SLC25A25: variants seen among roughly 807,000 people sequenced by gnomAD.
SLC25A25 encodes the protein solute carrier family 25 member 25.
Under a neutral mutation model 57.7 loss-of-function variants are expected in SLC25A25, and 32 were observed. The observed-to-expected ratio is 0.55, with a 90% CI of 0.42 to 0.74. The LOEUF is 0.74. Among genes scored for constraint, SLC25A25 ranks in the 30% least tolerant of loss-of-function variants. The pLI is 0.00. For missense variants in SLC25A25, 556 were observed against 701.3 expected (o/e 0.79, Z 2.34); for synonymous variants, 306 against 291.2 (o/e 1.05, Z -0.52).
chr9:128,071,995 G>A (rs1323735254), intron 1 of SLC25A25, among the ~76,000 whole-genome samples: 1 of 152,212 alleles, frequency 6.6e-6, no homozygotes, highest in African/African-American at 2.4e-5. Flanking sequence ...TTACAGGCGC[G>A]AGCAACTGCA....
chr9:128,088,178 C>T (rs569209634), intron 1 of SLC25A25, among the ~76,000 whole-genome samples: 7 of 152,144 alleles, frequency 4.6e-5, no homozygotes, highest in East Asian at 1.9e-4. Context: ...CTTTGTTGGG[C>T]GGAACAAGGA....
At chr9:128,071,496 C>T (rs1832906814) in intron 1 of SLC25A25, among the ~76,000 whole-genome samples, 1 of 152,000 alleles carries the variant, frequency 6.6e-6, no homozygotes, top group Admixed American at 6.6e-5. Flanking sequence ...CAACCTTTGC[C>T]TCCTGGGTTC....
chr9:128,097,350 T>G (rs1017229465), intron 1 of SLC25A25, among the ~76,000 whole-genome samples: 10 of 152,246 alleles, frequency 6.6e-5, no homozygotes, highest in African/African-American at 2.4e-4. Context: ...CCAGTGAAGT[T>G]TCCGCTGTGG....
intron 1 of SLC25A25, among the ~76,000 whole-genome samples, chr9:128,094,101 T>C (rs955011377): frequency 6.6e-6 from 1 of 152,128 alleles, no homozygotes; most frequent in Non-Finnish European, 1.5e-5. Flanking sequence ...TGAGCCAAGA[T>C]TGTGCCGCTG....
intron 1 of SLC25A25, chr9:128,091,804 G>C (rs10739711): frequency 0.99 from 1,510,949 of 1,533,272 alleles, 746,584 homozygotes; most frequent in Non-Finnish European, 1. Context: ...GCCAGAGAGC[G>C]TTGGTACTGT....
At chr9:128,074,431 G>A (rs1234493174) in intron 1 of SLC25A25, among the ~76,000 whole-genome samples, 1 of 152,016 alleles carries the variant, frequency 6.6e-6, no homozygotes, top group Non-Finnish European at 1.5e-5. Flanking sequence ...GAATAGGGCT[G>A]GGTGTGGTGG....
rs1049193325 is a variant in SLC25A25 at position 128,070,964 on chromosome 9, A to AG, written c.261+2384_261+2385insG. ...AAACTCCATCTCAAAAAAAAAAAAA[A>AG]AAAAAAAAAGAAAGAAAGAAAAGAA... On this transcript the variant is annotated intron_variant, in intron 1 of 10. Coordinates refer to ENST00000373069, the MANE Select transcript of SLC25A25 (RefSeq NM_001330988.2). Among the ~76,000 whole-genome samples the AG allele has an allele frequency of 1.9e-4, 27 of 145,712 alleles. 1 individual carries two copies. Among genetic ancestry groups the AG allele is most frequent in the South Asian group, 6.6e-4 (3 of 4,512 alleles).
At position 128,106,436 on chromosome 9, in the gene SLC25A25, G is replaced by A. The variant is rs531778526; in HGVS notation, c.1128G>A (p.Glu376=). The A allele has an allele frequency of 6.2e-7, 1 of 1,613,554 alleles. No individual in the cohort carries two copies. The highest frequency in any genetic ancestry group is 1.1e-5 in the South Asian group (1 of 91,080). The change falls in exon 9 of 11, where the codon GAG becomes GAA. Residue 376 remains glutamate, a synonymous_variant. Transcript: ENST00000373069. ...LDCARRILAR[E]GVAAFYKGYV... ...GCGCCAGGAGGATCCTGGCCAGAGA[G>A]GGGGTGGCCGCCTTCTACAAAGGCT... is the stretch of plus-strand genomic sequence containing the variant.
rs1412631205 is a variant in SLC25A25 at position 128,098,668 on chromosome 9, C to T, written c.262-2428C>T. 4 of 1,614,222 alleles carry T rather than the reference C, an allele frequency of 2.5e-6. 1 individual carries two copies. The Admixed American group carries it at 6.7e-5, about 27-fold the overall frequency. On this transcript the variant is annotated intron_variant, in intron 1 of 10. Coordinates refer to ENST00000373069, the MANE Select transcript of SLC25A25 (RefSeq NM_001330988.2). ...TCCCTGCCGAGCTGAAGTCCATTTT[C>T]AAGCTCAGTGTCTTCATCCCCTCCC...
At chr9:128,092,066 G>A (rs1316207606) in intron 1 of SLC25A25, 1 of 1,613,914 alleles carries the variant, frequency 6.2e-7, no homozygotes, top group Non-Finnish European at 8.5e-7. Context: ...GCTGGTGGTT[G>A]GACCTGCAGA....
intron 1 of SLC25A25, among the ~76,000 whole-genome samples, chr9:128,069,444 T>C (rs1229395992): frequency 1.3e-5 from 2 of 152,208 alleles, no homozygotes; most frequent in East Asian, 3.8e-4. Context: ...TAGCCTGATT[T>C]ACAGCCTGGA....
intron 1 of SLC25A25, among the ~76,000 whole-genome samples, chr9:128,081,986 C>G (rs970408690): frequency 2.0e-5 from 3 of 152,184 alleles, no homozygotes; most frequent in African/African-American, 7.2e-5. Flanking sequence ...TGACTTGTTA[C>G]ATCTTAAAAT....
intron 1 of SLC25A25, among the ~76,000 whole-genome samples, chr9:128,076,669 C>T (rs1833022392): frequency 6.6e-6 from 1 of 151,538 alleles, no homozygotes; most frequent in Non-Finnish European, 1.5e-5. Context: ...AGGTTTTCAC[C>T]ATGTTAGCCA....
At chr9:128,092,121 T>C (rs751905836) in intron 1 of SLC25A25, 3 of 1,600,998 alleles carry the variant, frequency 1.9e-6, no homozygotes, top group African/African-American at 1.3e-5. Flanking sequence ...CCTCCTAGTT[T>C]AGGGCCTGGT....
chr9:128,081,377 A>G (rs538457441), intron 1 of SLC25A25, among the ~76,000 whole-genome samples: 47 of 152,276 alleles, frequency 3.1e-4, no homozygotes, highest in African/African-American at 1.0e-3. Context: ...TGCTTTAGTA[A>G]TAAATTTGTT....
intron 1 of SLC25A25, among the ~76,000 whole-genome samples, chr9:128,083,218 A>G: frequency 7.0e-6 from 1 of 141,862 alleles, no homozygotes; most frequent in East Asian, 2.1e-4. Context: ...ACAGAGTGAG[A>G]CTCCGTCTCA....
Position 128,070,084 on chromosome 9 carries a change from A to ATTTTTT in SLC25A25, c.261+1525_261+1530dup, listed in dbSNP as rs71381724. Reference sequence around the variant, plus strand: ...AGGCATGTGCCACCACACCCAGCTAATTTTTTTTTTTTTTTTTTTTTTTTT... The same window carrying ATTTTTT: ...AGGCATGTGCCACCACACCCAGCTAATTTTTTTTTTTTTTTTTTTTTTTTTTTTTTT... On this transcript the variant is annotated intron_variant, in intron 1 of 10. Coordinates refer to ENST00000373069, the MANE Select transcript of SLC25A25 (RefSeq NM_001330988.2). 6.3e-4 allele frequency among the ~76,000 whole-genome samples: 4 copies of ATTTTTT among 6,366 alleles called. 2 individuals carry two copies. Among genetic ancestry groups the ATTTTTT allele is most frequent in the Non-Finnish European group, 7.6e-4 (2 of 2,626 alleles). 4.2% of individuals were successfully genotyped at this position (6,366 alleles called of 152,430 possible).
intron 9 of SLC25A25, 121 bp downstream of exon 9, chr9:128,106,641 T>C: frequency 1.6e-6 from 2 of 1,244,726 alleles, no homozygotes. Context: ...GCCTCCTTCC[T>C]GCTCTTCTGT....
At chr9:128,105,473 G>T (rs1833985804) in intron 6 of SLC25A25, among the ~76,000 whole-genome samples, 1 of 146,460 alleles carries the variant, frequency 6.8e-6, no homozygotes, top group South Asian at 2.3e-4. Flanking sequence ...GCCCAGCCTT[G>T]ATTTTTTTTT....
Sources: gnomAD v4.1 joint callset for allele counts (sites outside exome capture counted in the v4.1 genomes callset) on GRCh38, gnomAD v4.1.1 for gene constraint, MANE v1.5 for transcripts, NCBI Gene and HGNC (gene_info 2026-07-23, HGNC 2026-07-21) for gene names.